Variants in SLCO4C1 observed in about 807,000 individuals in gnomAD.
SLCO4C1 encodes organic anion transporter M1.
Under a neutral mutation model 72.1 loss-of-function variants are expected in SLCO4C1, and 58 were observed. The ratio of observed to expected loss-of-function variants is 0.80; its 90% confidence interval spans 0.65 to 1.00. SLCO4C1 has a LOEUF of 1.00. Among genes scored for constraint, SLCO4C1 ranks in the 50% least tolerant of loss-of-function variants. The pLI, the probability that SLCO4C1 is intolerant of heterozygous loss-of-function variation, is 0.00. For synonymous variants in SLCO4C1, 297 were observed against 312.5 expected, an observed-to-expected ratio of 0.95 and a Z score of 0.52; for missense variants, 898 against 857.9, an observed-to-expected ratio of 1.05 and a Z score of -0.58.
intron 10 of SLCO4C1, among the ~76,000 whole-genome samples, chr5:102,243,025 G>A (rs975630160): frequency 5.9e-5 from 9 of 152,144 alleles, no homozygotes; most frequent in African/African-American, 2.2e-4. Context: ...CTGACTTAAA[G>A]AGGCAGTGGG....
intron 2 of SLCO4C1, among the ~76,000 whole-genome samples, chr5:102,273,402 G>A (rs537480832): frequency 2.0e-5 from 3 of 152,208 alleles, no homozygotes; most frequent in East Asian, 1.9e-4. Context: ...CCCTTGTAAA[G>A]TCTGTGAATT....
chr5:102,247,346 G>A lies in SLCO4C1; in HGVS notation c.1717C>T (p.His573Tyr). The A allele has an allele frequency of 6.2e-7, 1 of 1,600,648 alleles. No individual in the cohort carries two copies. The highest frequency in any genetic ancestry group is 8.5e-7 in the Non-Finnish European group (1 of 1,170,442). Residue 573 changes from histidine (H) to tyrosine (Y), a missense_variant, in exon 10 of 13, where the codon CAT becomes TAT. Physicochemically the swap from His to Tyr is moderately conservative, Grantham distance 83. Transcript: ENST00000310954. ...AGGAATATGGGCAGTTTCGCACAAT[G>A]AGTTTCACATTTTCCAGCTTTAGCT... ...FEAKAGKCETHCAKLPIFLCI... is the reference protein window; with the variant it reads ...FEAKAGKCETYCAKLPIFLCI...
At chr5:102,286,342 C>A (rs557051368) in intron 2 of SLCO4C1, among the ~76,000 whole-genome samples, 31 of 152,134 alleles carry the variant, frequency 2.0e-4, no homozygotes, top group Admixed American at 5.2e-4. Flanking sequence ...TTTAATAATG[C>A]CTCTCTCCCA....
chr5:102,249,157 T>C (rs184756632), intron 9 of SLCO4C1, among the ~76,000 whole-genome samples: 64 of 152,166 alleles, frequency 4.2e-4, no homozygotes, highest in African/African-American at 1.5e-3. Context: ...ACAACACAGG[T>C]TTGAACTGCA....
chr5:102,243,899 T>C (rs926413032), intron 10 of SLCO4C1, among the ~76,000 whole-genome samples: 3 of 152,156 alleles, frequency 2.0e-5, no homozygotes, highest in South Asian at 2.1e-4. Flanking sequence ...ACTGAAATAA[T>C]ATTGGCCAGG....
At chr5:102,271,528 A>G (rs747742411) in intron 2 of SLCO4C1, among the ~76,000 whole-genome samples, 5 of 151,880 alleles carry the variant, frequency 3.3e-5, no homozygotes, top group Non-Finnish European at 7.4e-5. Flanking sequence ...TCAAAAAGTC[A>G]TACAAATATG....
Position 102,249,752 on chromosome 5 carries a change from A to G in SLCO4C1, c.1506T>C (p.Asn502=). The change falls in exon 9 of 13, where the codon AAT becomes AAC. Residue 502 remains asparagine (N), a synonymous_variant. Transcript: ENST00000310954. The part of the protein sequence containing the change: ...GELGNLIAPC[N]ANCNCSRSYY... ...ATGATCGCGAACAGTTACAATTGGC[A>G]TTACAAGGGGCTATCAAGTTTCCCA... is the stretch of plus-strand genomic sequence containing the variant. 3 of 1,613,960 alleles carry G rather than the reference A, an allele frequency of 1.9e-6. No individual in the cohort carries two copies. Among genetic ancestry groups the G allele is most frequent in the East Asian group, 2.2e-5 (1 of 44,852 alleles).
At chr5:102,239,537 A>G (rs6596424) in intron 11 of SLCO4C1, 149 bp from the exon 12 acceptor site, 230,679 of 446,982 alleles carry the variant, frequency 0.52, 61,211 homozygotes, top group Middle Eastern at 0.59. Flanking sequence ...CAAGTCAAAG[A>G]AATATAAAGC....
intron 8 of SLCO4C1, among the ~76,000 whole-genome samples, chr5:102,251,233 T>C (rs1270425804): frequency 6.6e-6 from 1 of 152,132 alleles, no homozygotes; most frequent in Non-Finnish European, 1.5e-5. Context: ...ATTTTTAGAA[T>C]GGAAAGTGAC....
intron 2 of SLCO4C1, among the ~76,000 whole-genome samples, chr5:102,290,200 G>C (rs1749526450): frequency 6.6e-6 from 1 of 152,194 alleles, no homozygotes. Context: ...GAGGAAGCAA[G>C]AGAGCTACAG....
chr5:102,269,273 A>G (rs1442353481), intron 3 of SLCO4C1, among the ~76,000 whole-genome samples: 2 of 151,488 alleles, frequency 1.3e-5, no homozygotes, highest in East Asian at 3.9e-4. Context: ...ACCTTTTCCC[A>G]TTTCTTCTCC....
intron 1 of SLCO4C1, among the ~76,000 whole-genome samples, chr5:102,294,523 G>C (rs185569233): frequency 6.6e-6 from 1 of 152,254 alleles, no homozygotes; most frequent in Admixed American, 6.5e-5. Context: ...AGAAATTTCA[G>C]AGGAATTTTA....
At chr5:102,255,723 G>T (rs1291395984) in intron 8 of SLCO4C1, among the ~76,000 whole-genome samples, 2 of 152,008 alleles carry the variant, frequency 1.3e-5, no homozygotes, top group Non-Finnish European at 2.9e-5. Context: ...ATGCTGTGAA[G>T]CCCTTCTGGA....
At chr5:102,286,261 T>C (rs1437303129) in intron 2 of SLCO4C1, among the ~76,000 whole-genome samples, 1 of 152,166 alleles carries the variant, frequency 6.6e-6, no homozygotes, top group African/African-American at 2.4e-5. Context: ...GGAAAAATTA[T>C]CTAATTATTG....
chr5:102,273,238 A>G (rs1330865607), intron 2 of SLCO4C1, among the ~76,000 whole-genome samples: 1 of 152,154 alleles, frequency 6.6e-6, no homozygotes, highest in African/African-American at 2.4e-5. Flanking sequence ...GACAAAGGCA[A>G]TCAAACATAG....
intron 2 of SLCO4C1, among the ~76,000 whole-genome samples, chr5:102,278,195 T>C (rs1749284265): frequency 6.6e-6 from 1 of 152,070 alleles, no homozygotes; most frequent in Non-Finnish European, 1.5e-5. Context: ...TTAATCAAAA[T>C]AATGTAGGAG....
chr5:102,293,188 G>C (rs1749587195), intron 1 of SLCO4C1, among the ~76,000 whole-genome samples: 1 of 151,962 alleles, frequency 6.6e-6, no homozygotes, highest in Non-Finnish European at 1.5e-5. Context: ...TCAAAATAAA[G>C]TACCTAAAGT....
rs144942764 is a variant in SLCO4C1 at position 102,253,569 on chromosome 5, G to A, written c.1469+3546C>T. Among the ~76,000 whole-genome samples the A allele has an allele frequency of 2.1e-3, 313 of 152,198 alleles. 2 individuals carry two copies. The highest frequency in any genetic ancestry group is 7.1e-3 in the African/African-American group (297 of 41,550). ...CACCTGTAATCCCAGCACTTTGGGA[G>A]GCCGAGGCGGGTGGATCACCTGAGG... On this transcript the variant is annotated intron_variant, in intron 8 of 12. Coordinates refer to ENST00000310954, the MANE Select transcript of SLCO4C1 (RefSeq NM_180991.5).
chr5:102,261,801 G>T, intron 5 of SLCO4C1, 111 bp downstream of exon 5: 1 of 1,128,774 alleles, frequency 8.9e-7, no homozygotes, highest in Non-Finnish European at 1.2e-6. Context: ...AGACAGTTGA[G>T]ATTCTATAAA....
Sources: allele counts gnomAD v4.1 joint callset (sites outside exome capture counted in the v4.1 genomes callset), GRCh38; gene constraint gnomAD v4.1.1; transcripts MANE v1.5; gene names NCBI Gene and HGNC (gene_info 2026-07-23, HGNC 2026-07-21).